The following SMURF1 variants were observed in gnomAD, a reference collection of about 807,000 sequenced individuals.
The protein encoded by SMURF1 is SMAD specific E3 ubiquitin protein ligase 1.
Under a neutral mutation model 98.0 loss-of-function variants are expected in SMURF1, and 44 were observed. That is an observed-to-expected ratio of 0.45 (90% confidence interval 0.35 to 0.58). SMURF1 has a LOEUF of 0.58. Ranked by LOEUF, SMURF1 falls within the 20% of genes least tolerant of loss-of-function variation. The probability of loss-of-function intolerance (pLI) is 0.00; values close to 1 mark genes in which losing one functional copy is unlikely to be tolerated. For missense variants in SMURF1, 687 were observed against 938.4 expected (o/e 0.73, Z 3.50); for synonymous variants, 396 against 374.9 (o/e 1.06, Z -0.65).
At chr7:99,090,398 G>C (rs529707435) in intron 1 of SMURF1, among the ~76,000 whole-genome samples, 44 of 152,096 alleles carry the variant, frequency 2.9e-4, no homozygotes, top group Non-Finnish European at 5.6e-4. Context: ...GCGATAGCAG[G>C]GTTGGAAGGT....
chr7:99,064,825 C>G (rs1294626604), intron 1 of SMURF1, among the ~76,000 whole-genome samples: 2 of 152,064 alleles, frequency 1.3e-5, no homozygotes, highest in East Asian at 3.8e-4. Flanking sequence ...TCTTGTTACT[C>G]TAATTACAAA....
chr7:99,074,882 AC>A (rs1796415391), intron 1 of SMURF1, among the ~76,000 whole-genome samples: 1 of 152,196 alleles, frequency 6.6e-6, no homozygotes, highest in Admixed American at 6.5e-5. Flanking sequence ...TTTAAAATTA[AC>A]TTTTAAATAG....
rs574102597 is a variant in SMURF1, at chr7:99,074,501, GAATAAT to G, written c.56-12670_56-12665del. Reference sequence around the variant, plus strand: ...TGAATGGGATATCATTATGAAAAAAGAATAATAATAAGTCTCAACCCTTACCTCACA... The same window carrying G: ...TGAATGGGATATCATTATGAAAAAAGAATAAGTCTCAACCCTTACCTCACA... On this transcript the variant is annotated intron_variant, in intron 1 of 17. Coordinates refer to ENST00000361368, the MANE Select transcript of SMURF1 (RefSeq NM_181349.3). 2.6e-5 allele frequency among the ~76,000 whole-genome samples: 4 copies of G among 152,178 alleles called. No homozygotes were observed. In the South Asian group the frequency reaches 6.2e-4, roughly 24 times the overall value.
intron 1 of SMURF1, among the ~76,000 whole-genome samples, chr7:99,062,843 GTC>G (rs1796064602): frequency 6.6e-6 from 1 of 151,842 alleles, no homozygotes; most frequent in Non-Finnish European, 1.5e-5. Flanking sequence ...GCGAGACTCT[GTC>G]TCCAAAAAAA....
intron 1 of SMURF1, among the ~76,000 whole-genome samples, chr7:99,106,888 A>C (rs1271678960): frequency 6.6e-6 from 1 of 152,228 alleles, no homozygotes; most frequent in South Asian, 2.1e-4. Context: ...TGACTGCATT[A>C]ATCACAGGCA....
At chr7:99,089,588 C>A (rs1417307053) in intron 1 of SMURF1, among the ~76,000 whole-genome samples, 1 of 152,122 alleles carries the variant, frequency 6.6e-6, no homozygotes, top group Non-Finnish European at 1.5e-5. Context: ...CTGCAGTCAG[C>A]CATGATCATA....
At chr7:99,137,323 TTAAAGA>T (rs1798014238) in intron 1 of SMURF1, among the ~76,000 whole-genome samples, 1 of 152,224 alleles carries the variant, frequency 6.6e-6, no homozygotes, top group Non-Finnish European at 1.5e-5. Context: ...ATCTCTGGCA[TTAAAGA>T]TAGGAAAACT....
chr7:99,038,539 A>T lies in SMURF1; in HGVS notation c.1551-14T>A. On this transcript the variant is annotated splice_polypyrimidine_tract_variant and intron_variant, in intron 13 of 17. Coordinates refer to ENST00000361368, the MANE Select transcript of SMURF1 (RefSeq NM_181349.3). ...ATGTCGTTCTCTCTGTTGAAATAAG[A>T]CAGAAGGATGTAGGTTAGAACTCTG... The T allele has an allele frequency of 6.2e-7, 1 of 1,613,142 alleles. No individual in the cohort carries two copies. Among genetic ancestry groups the T allele is most frequent in the South Asian group, 1.1e-5 (1 of 90,906 alleles).
chr7:99,082,111 T>C (rs1796588058), intron 1 of SMURF1, among the ~76,000 whole-genome samples: 1 of 152,276 alleles, frequency 6.6e-6, no homozygotes, highest in African/African-American at 2.4e-5. Context: ...TCAGATCCTT[T>C]ACCCATGTAT....
intron 5 of SMURF1, among the ~76,000 whole-genome samples, chr7:99,055,080 G>A (rs530998830): frequency 2.0e-5 from 3 of 152,142 alleles, no homozygotes; most frequent in Non-Finnish European, 1.5e-5. Context: ...ATGTGGTGAA[G>A]AAAAGGGTGC....
chr7:99,103,574 A>G (rs1225334994), intron 1 of SMURF1, among the ~76,000 whole-genome samples: 1 of 152,212 alleles, frequency 6.6e-6, no homozygotes, highest in Non-Finnish European at 1.5e-5. Context: ...TCATAACCAG[A>G]CTCTACAAAC....
At chr7:99,075,362 T>A (rs1197770351) in intron 1 of SMURF1, among the ~76,000 whole-genome samples, 1 of 152,196 alleles carries the variant, frequency 6.6e-6, no homozygotes, top group Non-Finnish European at 1.5e-5. Flanking sequence ...CCTCAAGTGA[T>A]CTGCCTGCTT....
At chr7:99,075,213 G>T (rs1389912022) in intron 1 of SMURF1, among the ~76,000 whole-genome samples, 1 of 152,118 alleles carries the variant, frequency 6.6e-6, no homozygotes, top group Non-Finnish European at 1.5e-5. Flanking sequence ...CAACCTCCCA[G>T]GTTCAAGCGA....
intron 1 of SMURF1, among the ~76,000 whole-genome samples, chr7:99,073,271 C>T (rs776115993): frequency 6.6e-6 from 1 of 150,538 alleles, no homozygotes; most frequent in Non-Finnish European, 1.5e-5. Flanking sequence ...CCCAGCTACT[C>T]GGGAGACTGA....
At chr7:99,123,557 GATAA>G (rs1192840068) in intron 1 of SMURF1, among the ~76,000 whole-genome samples, 4 of 152,064 alleles carry the variant, frequency 2.6e-5, no homozygotes, top group Non-Finnish European at 4.4e-5. Flanking sequence ...TAGATAGATA[GATAA>G]ATATTAGGTT....
In SMURF1 at chr7:99,051,439, G is replaced by C. The variant is rs1317810978; in HGVS notation, c.724C>G (p.Gln242Glu). ...ACTTGGCCCTGGACTGTTGTTCTTT[G>C]TTCTACACAAGAAATTAGAGATCCA... is the stretch of plus-strand genomic sequence containing the variant. ...QSPELPEGYE[Q>E]RTTVQGQVYF... The change falls in exon 8 of 18, where the codon CAA becomes GAA. Residue 242 changes from glutamine (Q) to glutamate (E), a missense_variant and splice_region_variant. Gln to Glu is a conservative substitution (Grantham distance 29). Transcript: ENST00000361368. 3 of 1,613,400 alleles carry C rather than the reference G, an allele frequency of 1.9e-6. No individual in the cohort carries two copies. In the Admixed American group the frequency reaches 5.0e-5, roughly 27 times the overall value.
intron 1 of SMURF1, among the ~76,000 whole-genome samples, chr7:99,073,054 C>G (rs1796363567): frequency 6.6e-6 from 1 of 152,198 alleles, no homozygotes; most frequent in Non-Finnish European, 1.5e-5. Flanking sequence ...ACAGCATTCA[C>G]TGACTCACGC....
chr7:99,081,246 T>C (rs1377562170), intron 1 of SMURF1: 2 of 152,198 alleles, frequency 1.3e-5, no homozygotes, highest in African/African-American at 4.8e-5. Flanking sequence ...GTGGTTCATG[T>C]CTATAATCGC....
In SMURF1 at chr7:99,047,770, G is replaced by A. The variant is rs1795630036; in HGVS notation, c.1066C>T (p.Leu356=). The change falls in exon 10 of 18, where the codon CTG becomes TTG. Residue 356 remains leucine, a synonymous_variant. Transcript: ENST00000361368. ...QRYERDLVQK[L]KVLRHELSLQ... ...GACAGTTCGTGTCTGAGGACTTTCA[G>A]CTTCTGGACTAGATCTCTTTCGTAT... 6.2e-7 allele frequency: 1 copy of A among 1,614,092 alleles called. No homozygotes were observed. Among genetic ancestry groups the A allele is most frequent in the Admixed American group, 1.7e-5 (1 of 59,998 alleles).
Sources: allele counts gnomAD v4.1 joint callset (sites outside exome capture counted in the v4.1 genomes callset), GRCh38; gene constraint gnomAD v4.1.1; transcripts MANE v1.5; gene names NCBI Gene and HGNC (gene_info 2026-07-23, HGNC 2026-07-21).